The following PIGK variants were observed in gnomAD, a reference collection of about 807,000 sequenced individuals.
PIGK encodes GPI-anchor transamidase.
Under a neutral mutation model 50.6 loss-of-function variants are expected in PIGK, and 42 were observed. The observed-to-expected ratio is 0.83, with a 90% CI of 0.65 to 1.07. The LOEUF (loss-of-function observed/expected upper bound fraction) is 1.07, where lower values mean the gene tolerates loss of function less well. Ranked by LOEUF, PIGK falls within the 50% of genes least tolerant of loss-of-function variation. The pLI is 0.00. For synonymous variants in PIGK, 151 were observed against 156.0 expected (o/e 0.97, Z 0.24); for missense variants, 448 against 488.7 (o/e 0.92, Z 0.78).
chr1:77,127,000 T>C (rs1276207535), intron 9 of PIGK, among the ~76,000 whole-genome samples: 1 of 152,180 alleles, frequency 6.6e-6, no homozygotes, highest in East Asian at 1.9e-4. Context: ...AAGCTGTGCA[T>C]TCCTTATTTT....
intron 9 of PIGK, among the ~76,000 whole-genome samples, chr1:77,130,178 G>T (rs1181507606): frequency 1.8e-4 from 22 of 119,558 alleles, no homozygotes; most frequent in African/African-American, 2.4e-4. Flanking sequence ...TTTTAACTTT[G>T]TTTGCATTGT....
intron 2 of PIGK, 88 bp from the exon 3 acceptor site, chr1:77,206,819 A>G: frequency 1.3e-6 from 1 of 770,122 alleles, no homozygotes; most frequent in Non-Finnish European, 2.2e-6. Flanking sequence ...GGATACAGAG[A>G]TCTCTAAGAA....
intron 9 of PIGK, among the ~76,000 whole-genome samples, chr1:77,136,191 T>C (rs1194522914): frequency 6.6e-6 from 1 of 152,232 alleles, no homozygotes; most frequent in East Asian, 1.9e-4. Context: ...CAGTACTTTA[T>C]TGGTATTACT....
At chr1:77,187,363 T>G (rs933366489) in intron 3 of PIGK, among the ~76,000 whole-genome samples, 7 of 152,214 alleles carry the variant, frequency 4.6e-5, no homozygotes, top group Non-Finnish European at 1.0e-4. Flanking sequence ...TCACCCCTAG[T>G]GATCCACTAG....
intron 10 of PIGK, among the ~76,000 whole-genome samples, chr1:77,109,164 G>A (rs893150710): frequency 2.0e-5 from 3 of 152,126 alleles, no homozygotes; most frequent in South Asian, 2.1e-4. Context: ...ATTCACAGCC[G>A]AATTCCACCA....
intron 2 of PIGK, among the ~76,000 whole-genome samples, chr1:77,207,840 T>A (rs543094411): frequency 6.6e-6 from 1 of 152,248 alleles, no homozygotes; most frequent in South Asian, 2.1e-4. Flanking sequence ...TGGTTTTTTT[T>A]TAAATTAAGT....
intron 3 of PIGK, among the ~76,000 whole-genome samples, chr1:77,181,845 TTTTTC>T (rs1412167895): frequency 5.9e-5 from 9 of 152,286 alleles, no homozygotes; most frequent in African/African-American, 2.2e-4. Flanking sequence ...TACCTTTTGG[TTTTTC>T]TTCCTCCTCC....
intron 8 of PIGK, among the ~76,000 whole-genome samples, chr1:77,160,267 C>T (rs1252934871): frequency 6.6e-6 from 1 of 152,176 alleles, no homozygotes; most frequent in Non-Finnish European, 1.5e-5. Flanking sequence ...ACTGTGAGTC[C>T]ATTAATCTTC....
chr1:77,187,641 G>A (rs571465256), intron 3 of PIGK, among the ~76,000 whole-genome samples: 1 of 152,274 alleles, frequency 6.6e-6, no homozygotes, highest in Admixed American at 6.5e-5. Context: ...GAATATGCAT[G>A]GAATACAGAA....
intron 9 of PIGK, among the ~76,000 whole-genome samples, chr1:77,145,403 T>C (rs1654746492): frequency 6.6e-6 from 1 of 151,998 alleles, no homozygotes; most frequent in African/African-American, 2.4e-5. Flanking sequence ...AAACAGTCAA[T>C]ATAAAATCAA....
chr1:77,119,796 G>A (rs1290093781), intron 10 of PIGK, among the ~76,000 whole-genome samples: 3 of 152,086 alleles, frequency 2.0e-5, no homozygotes, highest in Non-Finnish European at 4.4e-5. Context: ...TGCTACTAGT[G>A]AGAGTCCTTG....
At chr1:77,163,783 C>G in intron 6 of PIGK, 63 bp downstream of exon 6, 1 of 864,774 alleles carries the variant, frequency 1.2e-6, no homozygotes, top group Non-Finnish European at 1.8e-6. Context: ...AATTACAAAT[C>G]TACGAACCAT....
chr1:77,106,201 C>A (rs1031760827), intron 10 of PIGK, among the ~76,000 whole-genome samples: 1 of 152,084 alleles, frequency 6.6e-6, no homozygotes, highest in Admixed American at 6.5e-5. Flanking sequence ...AAAGGTAATT[C>A]CAACTCCTTG....
intron 9 of PIGK, among the ~76,000 whole-genome samples, chr1:77,124,914 T>C (rs1030119204): frequency 1.3e-5 from 2 of 152,194 alleles, no homozygotes; most frequent in Non-Finnish European, 2.9e-5. Flanking sequence ...CTGTGGTCAA[T>C]GGTGGGAAGA....
intron 9 of PIGK, among the ~76,000 whole-genome samples, chr1:77,153,382 G>A (rs1654935813): frequency 6.6e-6 from 1 of 151,992 alleles, no homozygotes; most frequent in South Asian, 2.1e-4. Context: ...AGAGAAGTTG[G>A]TTAAGCAGTA....
intron 9 of PIGK, among the ~76,000 whole-genome samples, chr1:77,152,256 C>G (rs1654909715): frequency 6.6e-6 from 1 of 151,960 alleles, no homozygotes. Context: ...TGGGAAAGGA[C>G]ACTCTGTTTA....
intron 9 of PIGK, among the ~76,000 whole-genome samples, chr1:77,133,137 T>C (rs1174877521): frequency 2.6e-5 from 4 of 152,156 alleles, no homozygotes; most frequent in African/African-American, 7.2e-5. Context: ...GTTTGGGATG[T>C]TATTTACACA....
At chr1:77,112,257 T>G (rs927208891) in intron 10 of PIGK, among the ~76,000 whole-genome samples, 11 of 151,886 alleles carry the variant, frequency 7.2e-5, no homozygotes, top group African/African-American at 2.7e-4. Context: ...AGGAAGCACA[T>G]TAAGGTGATT....
chr1:77,183,935 G>T (rs1655680333), intron 3 of PIGK, among the ~76,000 whole-genome samples: 1 of 152,260 alleles, frequency 6.6e-6, no homozygotes, highest in African/African-American at 2.4e-5. Context: ...CCAATGCCTT[G>T]CGAAATAGAT....
Sources: gnomAD v4.1 joint callset for allele counts (sites outside exome capture counted in the v4.1 genomes callset) on GRCh38, gnomAD v4.1.1 for gene constraint, MANE v1.5 for transcripts, NCBI Gene and HGNC (gene_info 2026-07-23, HGNC 2026-07-21) for gene names.